The following SLC4A4 variants were observed in gnomAD, a reference collection of about 807,000 sequenced individuals.
The protein encoded by SLC4A4 is electrogenic sodium bicarbonate cotransporter 1.
SLC4A4 carries 27 observed loss-of-function variants against 111.5 expected under a neutral mutation model. The observed-to-expected ratio is 0.24, with a 90% CI of 0.18 to 0.33. The LOEUF is 0.33. Among genes scored for constraint, SLC4A4 ranks in the 10% least tolerant of loss-of-function variants. The pLI is 1.00. For synonymous variants in SLC4A4, 443 were observed against 463.4 expected (o/e 0.96, Z 0.57); for missense variants, 909 against 1,315.5 (o/e 0.69, Z 4.78).
intron 6 of SLC4A4, among the ~76,000 whole-genome samples, chr4:71,366,486 C>A (rs534681200): frequency 6.6e-5 from 10 of 152,204 alleles, no homozygotes; most frequent in African/African-American, 1.9e-4. Flanking sequence ...TCTTTTTCTA[C>A]AGTCTAAATA....
chr4:71,308,689 C>T (rs1725893174), intron 3 of SLC4A4, among the ~76,000 whole-genome samples: 1 of 152,190 alleles, frequency 6.6e-6, no homozygotes, highest in South Asian at 2.1e-4. Flanking sequence ...AGATACTACG[C>T]TTCTCCCATG....
chr4:71,548,530 A>T (rs1435061863), intron 20 of SLC4A4, among the ~76,000 whole-genome samples: 1 of 151,894 alleles, frequency 6.6e-6, no homozygotes, highest in South Asian at 2.1e-4. Flanking sequence ...TCATATAAAC[A>T]TGCTTGCGAA....
At chr4:71,345,707 C>G (rs903792257) in intron 4 of SLC4A4, among the ~76,000 whole-genome samples, 5 of 152,074 alleles carry the variant, frequency 3.3e-5, no homozygotes, top group African/African-American at 1.2e-4. Flanking sequence ...AAAGACTGCT[C>G]TCTCCCAGTC....
intron 7 of SLC4A4, among the ~76,000 whole-genome samples, chr4:71,399,903 G>A (rs1720201433): frequency 6.6e-6 from 1 of 152,110 alleles, no homozygotes; most frequent in South Asian, 2.1e-4. Context: ...TCTACCTCTT[G>A]AAATGATCAG....
intron 13 of SLC4A4, among the ~76,000 whole-genome samples, chr4:71,472,373 T>C (rs1577985582): frequency 6.6e-6 from 1 of 151,972 alleles, no homozygotes; most frequent in East Asian, 1.9e-4. Flanking sequence ...TAGGTACCAG[T>C]GCTATGCTTG....
At chr4:71,097,844 GT>G (rs1319824039) in intron 2 of SLC4A4, among the ~76,000 whole-genome samples, 1 of 151,980 alleles carries the variant, frequency 6.6e-6, no homozygotes, top group Non-Finnish European at 1.5e-5. Context: ...CTCTGTTCAT[GT>G]CCTTTGCCCA....
At chr4:71,269,978 T>C (rs930167726) in intron 3 of SLC4A4, among the ~76,000 whole-genome samples, 13 of 152,188 alleles carry the variant, frequency 8.5e-5, no homozygotes, top group African/African-American at 2.7e-4. Context: ...GTATAAAGCT[T>C]TCAAAGGGCA....
chr4:71,430,236 T>A (rs1161366213), intron 7 of SLC4A4, among the ~76,000 whole-genome samples: 1 of 152,142 alleles, frequency 6.6e-6, no homozygotes, highest in African/African-American at 2.4e-5. Flanking sequence ...ACAGGGTGTC[T>A]GTTTTCTACA....
chr4:71,276,112 T>C (rs1363060476), intron 3 of SLC4A4, among the ~76,000 whole-genome samples: 1 of 152,252 alleles, frequency 6.6e-6, no homozygotes, highest in Non-Finnish European at 1.5e-5. Context: ...CCTGCAGCAC[T>C]ACAAACTGGC....
chr4:71,234,173 C>T (rs1039823007), intron 1 of SLC4A4, among the ~76,000 whole-genome samples: 2 of 152,204 alleles, frequency 1.3e-5, no homozygotes, highest in African/African-American at 4.8e-5. Flanking sequence ...CCACCCTGTG[C>T]CAAGCAGTCC....
At chr4:71,101,656 G>A (rs1742738722) in intron 2 of SLC4A4, among the ~76,000 whole-genome samples, 1 of 152,086 alleles carries the variant, frequency 6.6e-6, no homozygotes, top group Non-Finnish European at 1.5e-5. Context: ...CCCCAGCAGG[G>A]GCACACTGAC....
At chr4:71,149,786 C>G (rs1234528247) in intron 2 of SLC4A4, among the ~76,000 whole-genome samples, 1 of 152,096 alleles carries the variant, frequency 6.6e-6, no homozygotes, top group African/African-American at 2.4e-5. Context: ...AATGGCTTTT[C>G]TGTTCTTATC....
chr4:71,424,247 C>T lies in SLC4A4; in HGVS notation c.808-16369C>T, dbSNP rs374426261. On this transcript the variant is annotated intron_variant, in intron 7 of 25. Coordinates refer to ENST00000264485, the MANE Select transcript of SLC4A4 (RefSeq NM_001098484.3). ...CAAAAGACACATGAAAAAATGCTCA[C>T]CATCACTGGCCATCAGAGAAATGCA... Among the ~76,000 whole-genome samples, 768 of 152,106 alleles carry T rather than the reference C, an allele frequency of 5.0e-3. 20 individuals carry two copies. The highest frequency in any genetic ancestry group is 0.035 in the East Asian group (181 of 5,182).
intron 2 of SLC4A4, among the ~76,000 whole-genome samples, chr4:71,098,884 AG>A (rs1742635991): frequency 6.6e-6 from 1 of 152,192 alleles, no homozygotes; most frequent in Admixed American, 6.5e-5. Flanking sequence ...ATAATGGTAA[AG>A]GGTAATTCAA....
At chr4:71,459,086 T>G (rs1268254047) in intron 12 of SLC4A4, among the ~76,000 whole-genome samples, 1 of 152,060 alleles carries the variant, frequency 6.6e-6, no homozygotes, top group Admixed American at 6.6e-5. Flanking sequence ...TTAAATAATG[T>G]GCTTTGCTTC....
At chr4:71,309,127 C>T (rs1207649106) in intron 3 of SLC4A4, among the ~76,000 whole-genome samples, 1 of 152,200 alleles carries the variant, frequency 6.6e-6, no homozygotes, top group African/African-American at 2.4e-5. Flanking sequence ...CAACACAGCA[C>T]AGCAAAGTGG....
chr4:71,444,725 G>A (rs1477454781), intron 8 of SLC4A4, among the ~76,000 whole-genome samples: 2 of 152,176 alleles, frequency 1.3e-5, no homozygotes, highest in African/African-American at 4.8e-5. Flanking sequence ...CAGGCAGAGG[G>A]AACTTCAACT....
chr4:71,457,337 C>T lies in SLC4A4; in HGVS notation c.1497+3668C>T, dbSNP rs891195235. Among the ~76,000 whole-genome samples, 8 of 152,228 alleles carry T rather than the reference C, an allele frequency of 5.3e-5. 1 individual carries two copies. The highest frequency in any genetic ancestry group is 1.9e-4 in the African/African-American group (8 of 41,556). On this transcript the variant is annotated intron_variant, in intron 12 of 25. Transcript: ENST00000264485. The stretch of plus-strand genomic sequence containing the variant: ...GCTGACATAGATGATTGCATGAATT[C>T]ACTAGCTTGGCGTACACATTTTGCC...
chr4:71,115,137 G>T (rs1183140155), intron 2 of SLC4A4, among the ~76,000 whole-genome samples: 1 of 148,264 alleles, frequency 6.7e-6, no homozygotes, highest in Non-Finnish European at 1.5e-5. Flanking sequence ...ATTGAACAGT[G>T]AGATCACATG....
Sources: allele counts gnomAD v4.1 joint callset (sites outside exome capture counted in the v4.1 genomes callset), GRCh38; gene constraint gnomAD v4.1.1; transcripts MANE v1.5; gene names NCBI Gene and HGNC (gene_info 2026-07-23, HGNC 2026-07-21).